Variants in WIPI2 observed in about 807,000 individuals in gnomAD.
The protein encoded by WIPI2 is WD repeat domain phosphoinositide-interacting protein 2.
A neutral mutation model predicts 52.3 loss-of-function variants in WIPI2; 28 were observed. That is an observed-to-expected ratio of 0.54 (90% CI 0.40 to 0.73). The LOEUF is 0.73. WIPI2 is among the 30% of genes least tolerant of loss of function. WIPI2 has a pLI of 0.00. For synonymous variants in WIPI2, 268 were observed against 245.0 expected (o/e 1.09, Z -0.88); for missense variants, 506 against 602.9 (o/e 0.84, Z 1.68).
intron 3 of WIPI2, chr7:5,214,300 C>A (rs770636121): frequency 1.3e-6 from 2 of 1,518,046 alleles, no homozygotes; most frequent in East Asian, 4.7e-5. Flanking sequence ...CTTTGTCTTT[C>A]GTGTGAATGC....
At chr7:5,209,876 C>G (rs917763388) in intron 3 of WIPI2, among the ~76,000 whole-genome samples, 6 of 152,046 alleles carry the variant, frequency 3.9e-5, no homozygotes, top group Non-Finnish European at 7.4e-5. Context: ...TCCCATATTT[C>G]TACTTCTCCA....
chr7:5,200,925 GGTGGCTGGCTT>G (rs1465995202), intron 3 of WIPI2, among the ~76,000 whole-genome samples: 2 of 152,204 alleles, frequency 1.3e-5, no homozygotes, highest in African/African-American at 4.8e-5. Context: ...CATGGCTCCT[GGTGGCTGGCTT>G]AGGTTTTACT....
chr7:5,218,720 G>C (rs144017207), intron 7 of WIPI2: 1 of 152,216 alleles, frequency 6.6e-6, no homozygotes, highest in Non-Finnish European at 1.5e-5. Context: ...ACCTGTGACC[G>C]CGTGGCGAGG....
At chr7:5,198,930 T>G (rs911980594) in intron 2 of WIPI2, among the ~76,000 whole-genome samples, 1 of 152,238 alleles carries the variant, frequency 6.6e-6, no homozygotes, top group Non-Finnish European at 1.5e-5. Context: ...CAAGCACACT[T>G]AAGATCTGCT....
At chr7:5,226,079 C>G in intron 9 of WIPI2, 149 bp downstream of exon 9, 1 of 712,028 alleles carries the variant, frequency 1.4e-6, no homozygotes, top group Admixed American at 2.3e-5. Flanking sequence ...CGAGCACCTC[C>G]GCATCCAGGC....
At chr7:5,212,111 C>G (rs1782589416) in intron 3 of WIPI2, among the ~76,000 whole-genome samples, 1 of 152,070 alleles carries the variant, frequency 6.6e-6, no homozygotes, top group African/African-American at 2.4e-5. Context: ...TGGGGAATAT[C>G]CAAAATCTGG....
chr7:5,203,730 T>TCG (rs1338228276), intron 3 of WIPI2, among the ~76,000 whole-genome samples: 3 of 150,192 alleles, frequency 2.0e-5, no homozygotes, highest in African/African-American at 7.4e-5. Flanking sequence ...CCTCCCGGAT[T>TCG]CGCGCCATTC....
chr7:5,229,442 A>C, intron 11 of WIPI2, 166 bp from the exon 12 acceptor site: 1 of 685,638 alleles, frequency 1.5e-6, no homozygotes, highest in Non-Finnish European at 2.3e-6. Flanking sequence ...TTCATGTAAA[A>C]ACGTGTGCAG....
At chr7:5,226,982 C>G (rs1783465346) in intron 9 of WIPI2, 198 bp from the exon 10 acceptor site, 1 of 658,890 alleles carries the variant, frequency 1.5e-6, no homozygotes, top group Non-Finnish European at 2.5e-6. Flanking sequence ...GAGCACCCCT[C>G]CCCCGACACC....
chr7:5,225,994 G>A, intron 9 of WIPI2, 64 bp downstream of exon 9: 2 of 1,494,858 alleles, frequency 1.3e-6, no homozygotes, highest in Non-Finnish European at 1.8e-6. Flanking sequence ...CTTGCTGCCG[G>A]GATGAGAGGT....
At position 5,217,096 on chromosome 7, in the gene WIPI2, G is replaced by T. The variant is rs1248457322; in HGVS notation, c.485G>T (p.Cys162Phe). 1 of 1,612,932 alleles carries T rather than the reference G, an allele frequency of 6.2e-7. No individual in the cohort carries two copies. ...RETPPNPAGLCALSINNDNCY... is the reference protein window; with the variant it reads ...RETPPNPAGLFALSINNDNCY... ...CTCCGTGTGTCATTTGCAGGCCTGT[G>T]TGCGCTGTCAATCAACAACGACAAC... Residue 162 changes from cysteine to phenylalanine, a missense_variant, in exon 6 of 13, where the codon TGT becomes TTT. Physicochemically the swap from Cys to Phe is radical, Grantham distance 205 (BLOSUM62 -2). Transcript: ENST00000288828.
At chr7:5,207,345 C>T (rs536141061) in intron 3 of WIPI2, among the ~76,000 whole-genome samples, 2 of 152,340 alleles carry the variant, frequency 1.3e-5, no homozygotes, top group African/African-American at 4.8e-5. Context: ...CCCCAAGAGG[C>T]AACCAGTGTT....
Position 5,209,659 on chromosome 7 carries a change from A to G in WIPI2, c.212-4876A>G, listed in dbSNP as rs564063614. ...CTTTGAAATCTCCCACCTCCATCCC[A>G]TCACAGTTAACACCTGCTGCTGCTT... On this transcript the variant is annotated intron_variant, in intron 3 of 12. Transcript: ENST00000288828. Among the ~76,000 whole-genome samples the G allele has an allele frequency of 5.3e-4, 80 of 152,206 alleles. 3 individuals are homozygous for G. The South Asian group carries it at 0.011, about 21-fold the overall frequency.
chr7:5,195,814 G>A (rs917348032), intron 2 of WIPI2, among the ~76,000 whole-genome samples: 4 of 152,154 alleles, frequency 2.6e-5, no homozygotes, highest in Non-Finnish European at 5.9e-5. Context: ...GCCAGGGCAG[G>A]TGGATCACCA....
At chr7:5,191,697 G>A (rs530764966) in intron 1 of WIPI2, among the ~76,000 whole-genome samples, 1 of 152,286 alleles carries the variant, frequency 6.6e-6, no homozygotes, top group South Asian at 2.1e-4. Flanking sequence ...AAGGAGTGGG[G>A]CATTTGGCAT....
chr7:5,221,595 G>A (rs1286265394), intron 7 of WIPI2, among the ~76,000 whole-genome samples: 24 of 152,082 alleles, frequency 1.6e-4, no homozygotes, highest in South Asian at 2.1e-4. Flanking sequence ...AGTCCTGCTC[G>A]TTATTTTCTT....
chr7:5,222,432 G>A (rs993363809), intron 7 of WIPI2, among the ~76,000 whole-genome samples, 170 bp from the exon 8 acceptor site: 3 of 152,198 alleles, frequency 2.0e-5, no homozygotes, highest in Non-Finnish European at 4.4e-5. Context: ...GTGGCAAAAA[G>A]TGTGGAGATG....
intron 3 of WIPI2, chr7:5,212,985 C>T (rs1036043226): frequency 3.3e-5 from 5 of 152,292 alleles, no homozygotes; most frequent in Non-Finnish European, 7.3e-5. Flanking sequence ...ACCATCTCTT[C>T]TGAGTTGGGT....
chr7:5,209,125 C>G (rs12534949), intron 3 of WIPI2, among the ~76,000 whole-genome samples: 32,212 of 145,748 alleles, frequency 0.22, 4,166 homozygotes, highest in Admixed American at 0.43. Flanking sequence ...ACTGAGTTTT[C>G]CAGTTTGCTG....
Sources: allele counts gnomAD v4.1 joint callset (sites outside exome capture counted in the v4.1 genomes callset), GRCh38; gene constraint gnomAD v4.1.1; transcripts MANE v1.5; gene names NCBI Gene and HGNC (gene_info 2026-07-23, HGNC 2026-07-21).